Variants in ROBO1 observed in about 807,000 individuals in gnomAD.
The protein encoded by ROBO1 is roundabout guidance receptor 1, also known as roundabout homolog 1.
A neutral mutation model predicts 195.9 loss-of-function variants in ROBO1; 149 were observed. That is an observed-to-expected ratio of 0.76 (90% confidence interval 0.67 to 0.87). The LOEUF (loss-of-function observed/expected upper bound fraction) is 0.87. Ranked by LOEUF, ROBO1 falls within the 40% of genes least tolerant of loss-of-function variation. The pLI is 0.00. For synonymous variants in ROBO1, 816 were observed against 733.2 expected (o/e 1.11, Z -1.82); for missense variants, 1,933 against 2,068.3 (o/e 0.93, Z 1.27).
chr3:78,790,240 T>G (rs897474350), intron 4 of ROBO1, among the ~76,000 whole-genome samples: 4 of 152,184 alleles, frequency 2.6e-5, no homozygotes, highest in African/African-American at 9.7e-5. Context: ...ACCTTTGCTT[T>G]TATCATTTAT....
rs532143473 is a variant in ROBO1 at position 79,519,426 on chromosome 3, C to T, written c.88+70398G>A. On this transcript the variant is annotated intron_variant, in intron 2 of 30. Transcript: ENST00000464233. Reference sequence around the variant, plus strand: ...CGGGTGGATCACGAGGTCAGGAGATCGAGAGCATCCTGGCCAACATGGAGA... The same window carrying T: ...CGGGTGGATCACGAGGTCAGGAGATTGAGAGCATCCTGGCCAACATGGAGA... 3.3e-5 allele frequency among the ~76,000 whole-genome samples: 5 copies of T among 151,700 alleles called. No individual in the cohort carries two copies. The South Asian group carries it at 1.0e-3, about 32-fold the overall frequency.
chr3:78,716,605 T>C lies in ROBO1; in HGVS notation c.917+670A>G, dbSNP rs528069013. Among the ~76,000 whole-genome samples the C allele has an allele frequency of 1.7e-3, 263 of 152,310 alleles. 2 individuals are homozygous for C. Among genetic ancestry groups the C allele is most frequent in the Non-Finnish European group, 2.6e-3 (175 of 68,028 alleles). On this transcript the variant is annotated intron_variant, in intron 7 of 30. Transcript: ENST00000464233. Reference sequence around the variant, plus strand: ...ATATCAGCTTGATATTGTTATTCTGTATCTATCAATGCATTTCCTTTTGTG... The same window carrying C: ...ATATCAGCTTGATATTGTTATTCTGCATCTATCAATGCATTTCCTTTTGTG...
intron 1 of ROBO1, among the ~76,000 whole-genome samples, chr3:79,647,466 C>A (rs1945852427): frequency 6.6e-6 from 1 of 151,978 alleles, no homozygotes; most frequent in Non-Finnish European, 1.5e-5. Context: ...TCTGGAGGGC[C>A]TGGAGTTTAT....
chr3:79,481,758 G>A (rs762670394), intron 2 of ROBO1, among the ~76,000 whole-genome samples: 17 of 152,100 alleles, frequency 1.1e-4, no homozygotes, highest in Non-Finnish European at 1.9e-4. Flanking sequence ...TTTAATCTTA[G>A]AGAAGCTGAA....
At chr3:79,583,995 A>T (rs2107797471) in intron 2 of ROBO1, among the ~76,000 whole-genome samples, 1 of 152,096 alleles carries the variant, frequency 6.6e-6, no homozygotes, top group South Asian at 2.1e-4. Context: ...AGAAAAAAGT[A>T]ATTGAAAAGA....
chr3:79,029,505 C>G (rs1053283693), intron 3 of ROBO1, among the ~76,000 whole-genome samples: 1 of 152,106 alleles, frequency 6.6e-6, no homozygotes, highest in Non-Finnish European at 1.5e-5. Context: ...ACCACATTGT[C>G]CACTACACTA....
intron 3 of ROBO1, among the ~76,000 whole-genome samples, chr3:79,058,809 C>T (rs989400803): frequency 1.3e-5 from 2 of 152,226 alleles, no homozygotes; most frequent in East Asian, 3.9e-4. Context: ...CCCCTCAATA[C>T]ATTTAATTAA....
In ROBO1 at chr3:78,657,220, T is replaced by A. The variant is rs1407473122; in HGVS notation, c.2492A>T (p.Asp831Val). The A allele has an allele frequency of 6.2e-7, 1 of 1,613,552 alleles. No individual in the cohort carries two copies. Among genetic ancestry groups the A allele is most frequent in the African/African-American group, 1.3e-5 (1 of 74,930 alleles). Residue 831 changes from aspartate (D) to valine (V), a missense_variant, in exon 18 of 31, where the codon GAT (aspartate) becomes GTT (valine). Coordinates refer to ENST00000464233, the MANE Select transcript of ROBO1 (RefSeq NM_002941.4). ...ETRYHINKTVDGSTFSVVIPF... is the reference protein window; with the variant it reads ...ETRYHINKTVVGSTFSVVIPF... Reference sequence around the variant, plus strand: ...AATGACCACGGAAAAGGTGGAACCATCCACTGTTTTGTTGATGTGGTATCG... The same window carrying A: ...AATGACCACGGAAAAGGTGGAACCAACCACTGTTTTGTTGATGTGGTATCG...
chr3:78,972,134 T>C (rs2076783112), intron 3 of ROBO1, among the ~76,000 whole-genome samples: 1 of 152,214 alleles, frequency 6.6e-6, no homozygotes, highest in Non-Finnish European at 1.5e-5. Context: ...ACAAGGAACA[T>C]AGCCATTGGT....
At chr3:79,030,221 A>T (rs1159402400) in intron 3 of ROBO1, among the ~76,000 whole-genome samples, 2 of 152,102 alleles carry the variant, frequency 1.3e-5, no homozygotes, top group African/African-American at 4.8e-5. Flanking sequence ...ATCCCTCCCC[A>T]TTGACATTCT....
At chr3:79,619,336 T>C (rs1944930052) in intron 1 of ROBO1, among the ~76,000 whole-genome samples, 1 of 151,786 alleles carries the variant, frequency 6.6e-6, no homozygotes, top group Non-Finnish European at 1.5e-5. Context: ...CACTCTCCAT[T>C]CCCCCTTCTT....
chr3:79,403,914 C>T (rs770431892), intron 2 of ROBO1, among the ~76,000 whole-genome samples: 5 of 151,912 alleles, frequency 3.3e-5, no homozygotes, highest in Non-Finnish European at 7.4e-5. Flanking sequence ...GGGATGAATG[C>T]TGGATTTATT....
chr3:79,435,069 T>C (rs1286229810), intron 2 of ROBO1, among the ~76,000 whole-genome samples: 5 of 151,142 alleles, frequency 3.3e-5, no homozygotes, highest in African/African-American at 1.2e-4. Context: ...GTCGTGGGGT[T>C]GGGGGAGGAG....
At chr3:79,280,881 G>A (rs1052970390) in intron 2 of ROBO1, among the ~76,000 whole-genome samples, 7 of 152,158 alleles carry the variant, frequency 4.6e-5, no homozygotes, top group Non-Finnish European at 1.0e-4. Context: ...ACAGGAGGCG[G>A]AGCTCAGTTG....
intron 2 of ROBO1, among the ~76,000 whole-genome samples, chr3:79,289,256 T>A (rs372510884): frequency 6.6e-6 from 1 of 152,184 alleles, no homozygotes; most frequent in East Asian, 1.9e-4. Context: ...CAAGACTATA[T>A]CCTCAAGCAG....
intron 2 of ROBO1, among the ~76,000 whole-genome samples, chr3:79,177,392 G>C (rs761399750): frequency 2.6e-5 from 4 of 152,152 alleles, no homozygotes; most frequent in African/African-American, 9.7e-5. Context: ...GCACAGACCA[G>C]ACCCCTTTCT....
intron 3 of ROBO1, among the ~76,000 whole-genome samples, chr3:79,114,457 A>G (rs2079952543): frequency 6.6e-6 from 1 of 151,844 alleles, no homozygotes; most frequent in Non-Finnish European, 1.5e-5. Flanking sequence ...AGCTACATCA[A>G]CTCTCTGTTC....
intron 4 of ROBO1, among the ~76,000 whole-genome samples, chr3:78,854,077 T>C (rs1236077200): frequency 2.0e-5 from 3 of 151,840 alleles, no homozygotes; most frequent in East Asian, 1.9e-4. Context: ...TGAGGTTCTC[T>C]AAGGAAGAAA....
chr3:79,249,953 T>G (rs937841776), intron 2 of ROBO1, among the ~76,000 whole-genome samples: 4 of 150,542 alleles, frequency 2.7e-5, no homozygotes, highest in African/African-American at 7.3e-5. Context: ...TAAGAAGGAG[T>G]GAGTGGTTGG....
Sources: gnomAD v4.1 joint callset for allele counts (sites outside exome capture counted in the v4.1 genomes callset) on GRCh38, gnomAD v4.1.1 for gene constraint, MANE v1.5 for transcripts, NCBI Gene and HGNC (gene_info 2026-07-23, HGNC 2026-07-21) for gene names.